SLC24A2: variants seen among roughly 807,000 people sequenced by gnomAD.
SLC24A2 encodes solute carrier family 24 member 2.
SLC24A2 carries 36 observed loss-of-function variants against 62.0 expected under a neutral mutation model. The ratio of observed to expected loss-of-function variants is 0.58; its 90% confidence interval spans 0.44 to 0.77. SLC24A2 has a LOEUF of 0.77. Among genes scored for constraint, SLC24A2 ranks in the 30% least tolerant of loss-of-function variants. The pLI, the probability that SLC24A2 is intolerant of heterozygous loss-of-function variation, is 0.00. For synonymous variants in SLC24A2, 358 were observed against 294.0 expected (o/e 1.22, Z -2.23); for missense variants, 846 against 817.9 (o/e 1.03, Z -0.42).
intron 2 of SLC24A2, among the ~76,000 whole-genome samples, chr9:19,655,267 C>G (rs374770571): frequency 6.6e-6 from 1 of 152,174 alleles, no homozygotes; most frequent in East Asian, 1.9e-4. Context: ...TTCTTTGTAA[C>G]CCGAGGTTTT....
intron 2 of SLC24A2, among the ~76,000 whole-genome samples, chr9:19,750,089 A>G (rs919075969): frequency 6.6e-6 from 1 of 152,198 alleles, no homozygotes; most frequent in Admixed American, 6.5e-5. Flanking sequence ...ACACTGCCGG[A>G]GTACATTAGT....
chr9:19,647,048 CCA>C (rs1305580525), intron 2 of SLC24A2, among the ~76,000 whole-genome samples: 1,753 of 122,046 alleles, frequency 0.014, 40 homozygotes, highest in African/African-American at 0.053. Flanking sequence ...CTCTCTCTTT[CCA>C]CACACACACA....
chr9:19,761,767 T>A (rs994134762), intron 2 of SLC24A2, among the ~76,000 whole-genome samples: 27 of 152,270 alleles, frequency 1.8e-4, no homozygotes, highest in African/African-American at 6.5e-4. Flanking sequence ...TTGCTGAGAA[T>A]GATGGTTTCC....
chr9:19,744,509 C>T (rs1011547685), intron 2 of SLC24A2, among the ~76,000 whole-genome samples: 3 of 152,086 alleles, frequency 2.0e-5, no homozygotes, highest in Admixed American at 2.0e-4. Context: ...AGGGAAGGAC[C>T]AGACAGGGGT....
chr9:20,245,786 C>G, the SLC24A2 span, among the ~76,000 whole-genome samples: 1 of 152,050 alleles, frequency 6.6e-6, no homozygotes, highest in Non-Finnish European at 1.5e-5. Context: ...GAGCACTTGG[C>G]TAAAATAGGA....
At chr9:20,273,905 G>C in the SLC24A2 span, among the ~76,000 whole-genome samples, 8 of 152,266 alleles carry the variant, frequency 5.3e-5, no homozygotes, top group Non-Finnish European at 1.2e-4. Flanking sequence ...TCTCATGTTA[G>C]ATACAATTTA....
intron 7 of SLC24A2, among the ~76,000 whole-genome samples, chr9:19,571,424 C>A (rs754195715): frequency 6.6e-6 from 1 of 151,904 alleles, no homozygotes; most frequent in Non-Finnish European, 1.5e-5. Context: ...TAAGAAGTGG[C>A]TGCTAGGTTA....
At chr9:19,943,884 T>C in the SLC24A2 span, among the ~76,000 whole-genome samples, 41 of 152,218 alleles carry the variant, frequency 2.7e-4, no homozygotes, top group Non-Finnish European at 5.0e-4. Context: ...GAGTTAGAAG[T>C]TGGGAATAGA....
intron 2 of SLC24A2, among the ~76,000 whole-genome samples, chr9:19,741,246 C>T (rs1029014282): frequency 1.3e-5 from 2 of 152,146 alleles, no homozygotes; most frequent in Non-Finnish European, 2.9e-5. Context: ...TTGCAAACCA[C>T]GCTCCTGATT....
chr9:19,860,968 C>A, the SLC24A2 span, among the ~76,000 whole-genome samples: 1 of 152,088 alleles, frequency 6.6e-6, no homozygotes, highest in African/African-American at 2.4e-5. Flanking sequence ...TTGACTCTAG[C>A]CTGGATGGCA....
At chr9:20,048,926 T>C in the SLC24A2 span, among the ~76,000 whole-genome samples, 1 of 151,548 alleles carries the variant, frequency 6.6e-6, no homozygotes, top group Non-Finnish European at 1.5e-5. Context: ...TTATGTATTT[T>C]TTATTTATTT....
At chr9:20,294,475 G>A in the SLC24A2 span, among the ~76,000 whole-genome samples, 2 of 152,160 alleles carry the variant, frequency 1.3e-5, no homozygotes, top group East Asian at 1.9e-4. Context: ...TTTAGGAAAC[G>A]TGGCATTCTT....
chr9:20,292,997 T>C, the SLC24A2 span, among the ~76,000 whole-genome samples: 1 of 152,222 alleles, frequency 6.6e-6, no homozygotes, highest in Non-Finnish European at 1.5e-5. Flanking sequence ...TCCCAGCTTC[T>C]GGTGGTTTGC....
intron 3 of SLC24A2, among the ~76,000 whole-genome samples, chr9:19,620,973 T>C (rs1192576239): frequency 6.6e-6 from 1 of 152,034 alleles, no homozygotes; most frequent in African/African-American, 2.4e-5. Flanking sequence ...CATGATCAAA[T>C]ACATATTGGA....
At chr9:19,773,818 C>T (rs1388158249) in intron 2 of SLC24A2, among the ~76,000 whole-genome samples, 1 of 152,186 alleles carries the variant, frequency 6.6e-6, no homozygotes, top group Admixed American at 6.5e-5. Context: ...TGATGATACA[C>T]ACAAGAGTGA....
chr9:20,053,487 C>CT, the SLC24A2 span, among the ~76,000 whole-genome samples: 2 of 152,124 alleles, frequency 1.3e-5, no homozygotes, highest in Non-Finnish European at 2.9e-5. Context: ...CGTTTCTAGT[C>CT]TTTTTTCTCC....
intron 2 of SLC24A2, among the ~76,000 whole-genome samples, chr9:19,634,401 G>GC (rs1427722254): frequency 6.8e-6 from 1 of 146,024 alleles, no homozygotes; most frequent in Non-Finnish European, 1.5e-5. Flanking sequence ...CAATTCTCCT[G>GC]CCTCAGCCTC....
chr9:19,801,369 C>T, the SLC24A2 span, among the ~76,000 whole-genome samples: 1 of 152,200 alleles, frequency 6.6e-6, no homozygotes, highest in Non-Finnish European at 1.5e-5. Flanking sequence ...AGGAGCACAG[C>T]AGACACCCTG....
rs1385214413 is a variant in SLC24A2 at position 19,516,117 on chromosome 9, CATTCAT to C, written c.*30_*35del. ...CCCAGAGCCCAGAGTGTGGAGGGAC[CATTCAT>C]GCTGCTGGTGCAAGATATGGCTTTT... On this transcript the variant is annotated 3_prime_UTR_variant, in exon 11 of 11. Coordinates refer to ENST00000341998, the MANE Select transcript of SLC24A2 (RefSeq NM_020344.4). 8.7e-6 allele frequency: 14 copies of C among 1,613,462 alleles called. No individual in the cohort carries two copies. The highest frequency in any genetic ancestry group is 1.1e-5 in the Non-Finnish European group (13 of 1,179,666).
Sources: allele counts gnomAD v4.1 joint callset (sites outside exome capture counted in the v4.1 genomes callset), GRCh38; gene constraint gnomAD v4.1.1; transcripts MANE v1.5; gene names NCBI Gene and HGNC (gene_info 2026-07-23, HGNC 2026-07-21).